Variants in MUCL1 observed in about 807,000 individuals in gnomAD.
MUCL1 encodes the protein mucin-like protein 1.
A neutral mutation model predicts 9.2 loss-of-function variants in MUCL1; 11 were observed. That is an observed-to-expected ratio of 1.19 (90% CI 0.75 to 1.97). MUCL1 has a LOEUF of 1.97. Ranked by LOEUF, MUCL1 falls within the 30% of genes most tolerant of loss-of-function variation. The pLI is 0.00. For synonymous variants in MUCL1, 48 were observed against 40.5 expected (o/e 1.19, Z -0.71); for missense variants, 144 against 110.9 (o/e 1.30, Z -1.34).
Position 54,840,098 on chromosome 12 carries a change from C to T in MUCL1, c.43+651C>T, listed in dbSNP as rs11171122. Among the ~76,000 whole-genome samples the T allele has an allele frequency of 1.9e-4, 29 of 152,150 alleles. 1 individual carries two copies. The highest frequency in any genetic ancestry group is 3.4e-4 in the Non-Finnish European group (23 of 68,030). On this transcript the variant is annotated intron_variant, in intron 1 of 3. Transcript: ENST00000546809. ...AATGCTACTGCTCCTCTGGCTCTTG[C>T]TGCCCAGTGGGGTAGCCACACTCCA...
chr12:54,857,505 G>A (rs1209083348), intron 3 of MUCL1, among the ~76,000 whole-genome samples: 1 of 151,920 alleles, frequency 6.6e-6, no homozygotes. Context: ...ACATAGTATT[G>A]ATTACAACAT....
chr12:54,856,874 G>T lies in MUCL1; in HGVS notation c.205G>T (p.Ala69Ser), dbSNP rs143525110. Residue 69 changes from alanine (A) to serine (S), a missense_variant, in exon 3 of 4, where the codon GCT (alanine) becomes TCT (serine). Transcript: ENST00000308796. ...TTATTAASTT[A>S]RKDIPVLPKW... is the part of the protein sequence containing the mutation. ...TGCAACCACCGCTGCTTCTACCACT[G>T]CTCGTAAAGACATTCCAGGTAGCAA... 260 of 1,613,630 alleles carry T rather than the reference G, an allele frequency of 1.6e-4. No homozygotes were observed. Among genetic ancestry groups the T allele is most frequent in the Non-Finnish European group, 2.1e-4 (249 of 1,179,852 alleles).
At chr12:54,853,448 G>C (rs549780063), upstream of MUCL1, among the ~76,000 whole-genome samples, 5 of 152,316 alleles carry the variant, frequency 3.3e-5, no homozygotes, top group South Asian at 1.0e-3. Context: ...CTGCAGAGAA[G>C]TCTGGATGAC....
At chr12:54,849,187 CAAAT>C (rs1959300215) in intron 1 of MUCL1, among the ~76,000 whole-genome samples, 1 of 152,052 alleles carries the variant, frequency 6.6e-6, no homozygotes, top group Non-Finnish European at 1.5e-5. Flanking sequence ...TGTACAAACA[CAAAT>C]ATATGGTCAC....
chr12:54,846,665 G>C (rs12317090), intron 1 of MUCL1, among the ~76,000 whole-genome samples: 68,501 of 151,864 alleles, frequency 0.45, 16,445 homozygotes, highest in East Asian at 0.84. Flanking sequence ...CAAAGAGCCA[G>C]TGGTAGAGAG....
chr12:54,845,217 C>T (rs1180197411), intron 1 of MUCL1, among the ~76,000 whole-genome samples: 2 of 152,162 alleles, frequency 1.3e-5, no homozygotes, highest in East Asian at 3.8e-4. Context: ...TAGATACTTT[C>T]ATTGGGTATA....
At chr12:54,841,314 G>A (rs762916479) in intron 1 of MUCL1, among the ~76,000 whole-genome samples, 45 of 152,136 alleles carry the variant, frequency 3.0e-4, no homozygotes, top group Non-Finnish European at 5.7e-4. Flanking sequence ...CACATGAAGG[G>A]GCACAGATAT....
chr12:54,851,296 T>A (rs922544625), upstream of MUCL1, among the ~76,000 whole-genome samples: 4 of 152,206 alleles, frequency 2.6e-5, no homozygotes, highest in African/African-American at 9.7e-5. Context: ...GTTTTAGGTC[T>A]AACATGTAAG....
upstream of MUCL1, among the ~76,000 whole-genome samples, chr12:54,834,989 A>G (rs1349056620): frequency 1.3e-5 from 2 of 152,092 alleles, no homozygotes; most frequent in Non-Finnish European, 2.9e-5. Context: ...TATAAGTGAG[A>G]ACATACGGTA....
upstream of MUCL1, chr12:54,854,367 A>G (rs1303631264): frequency 1.9e-6 from 1 of 535,740 alleles, no homozygotes; most frequent in East Asian, 3.1e-5. Flanking sequence ...TGAATTCACA[A>G]CCTTTCCAAA....
intron 1 of MUCL1, among the ~76,000 whole-genome samples, chr12:54,848,637 T>C (rs1457553082): frequency 2.6e-5 from 4 of 152,150 alleles, no homozygotes; most frequent in East Asian, 1.9e-4. Context: ...GATTAGAATA[T>C]GTAAATCATG....
intron 1 of MUCL1, among the ~76,000 whole-genome samples, chr12:54,842,436 A>G (rs1185634001): frequency 6.6e-6 from 1 of 152,178 alleles, no homozygotes; most frequent in Non-Finnish European, 1.5e-5. Context: ...TTTGAAATTT[A>G]TACTGGGGGA....
intron 2 of MUCL1, among the ~76,000 whole-genome samples, chr12:54,856,439 C>A (rs1592250536): frequency 6.6e-6 from 1 of 152,186 alleles, no homozygotes; most frequent in East Asian, 1.9e-4. Flanking sequence ...CTAGAGATTT[C>A]CTTATTGCTT....
At chr12:54,858,049 C>T in intron 3 of MUCL1, 144 bp from the exon 4 acceptor site, 1 of 971,240 alleles carries the variant, frequency 1.0e-6, no homozygotes, top group Non-Finnish European at 1.6e-6. Flanking sequence ...GTTTATCTTC[C>T]CGTAATAACA....
intron 1 of MUCL1, 70 bp from the exon 2 acceptor site, chr12:54,855,046 A>G (rs1166576737): frequency 1.5e-6 from 2 of 1,346,898 alleles, no homozygotes; most frequent in African/African-American, 2.9e-5. Flanking sequence ...TATTGTCCAT[A>G]TTCTCTCTTA....
At chr12:54,830,713 C>G (rs575454014) in exon 1 of MUCL1, 1 of 152,346 alleles carries the variant, frequency 6.6e-6, no homozygotes, top group Admixed American at 6.5e-5. Flanking sequence ...CCCACTTCAA[C>G]CTCTCAGCTC....
chr12:54,844,962 G>A (rs948848870), intron 1 of MUCL1, among the ~76,000 whole-genome samples: 4 of 152,048 alleles, frequency 2.6e-5, no homozygotes, highest in South Asian at 2.1e-4. Flanking sequence ...AGGCACTGAA[G>A]GAATGTCTTA....
intron 1 of MUCL1, among the ~76,000 whole-genome samples, chr12:54,842,616 T>C (rs1425328016): frequency 6.6e-6 from 1 of 152,122 alleles, no homozygotes; most frequent in Non-Finnish European, 1.5e-5. Context: ...AGTAGATCCT[T>C]GAACTTATTC....
At chr12:54,852,951 G>T (rs1230865038), upstream of MUCL1, among the ~76,000 whole-genome samples, 1 of 152,058 alleles carries the variant, frequency 6.6e-6, no homozygotes, top group African/African-American at 2.4e-5. Flanking sequence ...TGTGCCTCAT[G>T]GAAGATATGA....
Sources: allele counts gnomAD v4.1 joint callset (sites outside exome capture counted in the v4.1 genomes callset), GRCh38; gene constraint gnomAD v4.1.1; transcripts MANE v1.5; gene names NCBI Gene and HGNC (gene_info 2026-07-23, HGNC 2026-07-21).